The following SPATA13 variants were observed in gnomAD, a reference collection of about 807,000 sequenced individuals.
SPATA13 encodes spermatogenesis associated 13.
Under a neutral mutation model 104.0 loss-of-function variants are expected in SPATA13, and 50 were observed. The ratio of observed to expected loss-of-function variants is 0.48; its 90% CI spans 0.38 to 0.61. The LOEUF (loss-of-function observed/expected upper bound fraction) is 0.61, where lower values mean the gene tolerates loss of function less well. Ranked by LOEUF, SPATA13 falls within the 20% of genes least tolerant of loss-of-function variation. The pLI is 0.00. For missense variants in SPATA13, 1,524 were observed against 1,690.6 expected (o/e 0.90, Z 1.73); for synonymous variants, 606 against 667.5 (o/e 0.91, Z 1.42).
rs951485952 is a variant in SPATA13, at chr13:24,019,074, T to G, written c.-112+1373T>G. The stretch of plus-strand genomic sequence containing the variant: ...AGAAGGGGCTCCTAAGTTATATGAT[T>G]CTTATTATTATTATTATTATTTTTT... On this transcript the variant is annotated intron_variant, in intron 3 of 14. Coordinates refer to the SPATA13 transcript ENST00000424834. 4.5e-5 allele frequency among the ~76,000 whole-genome samples: 6 copies of G among 133,848 alleles called. No homozygotes were observed. The East Asian group carries it at 1.2e-3, about 27-fold the overall frequency. The allele number at this position is 133,848 out of a possible 152,430, so 87.8% of individuals were successfully genotyped here.
chr13:23,989,042 C>A (rs1875285120), intron 2 of SPATA13, among the ~76,000 whole-genome samples: 3 of 152,106 alleles, frequency 2.0e-5, no homozygotes, highest in Admixed American at 2.0e-4. Flanking sequence ...TGCAGTAGTC[C>A]ATTTACTGAA....
intron 1 of SPATA13, among the ~76,000 whole-genome samples, chr13:24,192,200 T>C (rs1484271204): frequency 2.0e-5 from 3 of 152,142 alleles, no homozygotes. Flanking sequence ...TAAACTCTTG[T>C]TGGGCAGGCA....
At chr13:24,144,321 G>T (rs1232762719) in intron 3 of SPATA13, among the ~76,000 whole-genome samples, 1 of 152,062 alleles carries the variant, frequency 6.6e-6, no homozygotes, top group East Asian at 1.9e-4. Context: ...ATCTTCCCCT[G>T]CCCCACCTTC....
At chr13:24,070,458 G>T (rs7995044) in intron 3 of SPATA13, among the ~76,000 whole-genome samples, 67,357 of 151,854 alleles carry the variant, frequency 0.44, 15,156 homozygotes, top group Middle Eastern at 0.52. Flanking sequence ...CGTCTCTGGT[G>T]TGTTTTGGTC....
chr13:23,993,405 C>T (rs573762260), intron 2 of SPATA13, among the ~76,000 whole-genome samples: 6 of 152,230 alleles, frequency 3.9e-5, no homozygotes, highest in Non-Finnish European at 8.8e-5. Flanking sequence ...TTCTTCCTAG[C>T]AGTGTACTAC....
chr13:24,002,331 G>A (rs1566068097), intron 2 of SPATA13, among the ~76,000 whole-genome samples: 1 of 152,180 alleles, frequency 6.6e-6, no homozygotes, highest in Admixed American at 6.5e-5. Flanking sequence ...CAGGCAGGAG[G>A]TAGATGAAAA....
chr13:24,232,842 C>T (rs1872358004), intron 2 of SPATA13, among the ~76,000 whole-genome samples: 1 of 152,208 alleles, frequency 6.6e-6, no homozygotes, highest in Admixed American at 6.5e-5. Flanking sequence ...AGCCACCACT[C>T]TCAGCCCAGT....
At chr13:24,297,319 G>A (rs536471834) in intron 10 of SPATA13, 44 bp from the exon 11 acceptor site, 2 of 1,561,724 alleles carry the variant, frequency 1.3e-6, no homozygotes, top group African/African-American at 1.3e-5. Flanking sequence ...GACTACAGCT[G>A]TGGTAGAATT....
In SPATA13 at chr13:24,224,258, C is replaced by T; in HGVS notation, c.1329C>T (p.Asp443=). 1.9e-6 allele frequency: 3 copies of T among 1,551,732 alleles called. No homozygotes were observed. Among genetic ancestry groups the T allele is most frequent in the Non-Finnish European group, 2.6e-6 (3 of 1,146,992 alleles). ...TTGTCCAGGATGTGTTGAGCAAAGA[C>T]TCCTGTGACCCAAACGCTGGCAGCC... ...SPIVQDVLSK[D]SCDPNAGSQL... Residue 443 remains aspartate (D), a synonymous_variant, in exon 2 of 13, where the codon GAC becomes GAT. Coordinates refer to ENST00000382108, the MANE Select transcript of SPATA13 (RefSeq NM_001166271.3).
At chr13:24,233,769 A>G (rs552203845) in intron 2 of SPATA13, among the ~76,000 whole-genome samples, 96 of 152,258 alleles carry the variant, frequency 6.3e-4, no homozygotes, top group Middle Eastern at 6.8e-3. Flanking sequence ...TAAACCGGCA[A>G]ATTATGTACT....
At chr13:24,052,836 T>TCCCCCCCCCCCCCCCCCCCCCCCC (rs1878392957) in intron 3 of SPATA13, among the ~76,000 whole-genome samples, 2 of 13,616 alleles carry the variant, frequency 1.5e-4, no homozygotes, top group Non-Finnish European at 2.3e-4. Flanking sequence ...CAGGGGATCC[T>TCCCCCCCCCCCCCCCCCCCCCCCC]CCCCGCCACT....
At chr13:24,185,518 C>T (rs1869088787) in intron 1 of SPATA13, among the ~76,000 whole-genome samples, 1 of 152,094 alleles carries the variant, frequency 6.6e-6, no homozygotes, top group African/African-American at 2.4e-5. Context: ...AATAACTACT[C>T]GTTTAATTTT....
intron 2 of SPATA13, among the ~76,000 whole-genome samples, chr13:24,008,444 C>T (rs1044002881): frequency 6.6e-6 from 1 of 152,176 alleles, no homozygotes; most frequent in East Asian, 1.9e-4. Flanking sequence ...TTAGTGCCTT[C>T]GTCATGGGCC....
chr13:24,283,340 C>T (rs1875689072), intron 4 of SPATA13, among the ~76,000 whole-genome samples: 1 of 152,152 alleles, frequency 6.6e-6, no homozygotes, highest in African/African-American at 2.4e-5. Flanking sequence ...ACAGTCATTC[C>T]GTTGGAAAAA....
At chr13:24,120,417 G>A (rs1458547197) in intron 3 of SPATA13, among the ~76,000 whole-genome samples, 1 of 152,192 alleles carries the variant, frequency 6.6e-6, no homozygotes, top group East Asian at 1.9e-4. Context: ...TTACTTGCCT[G>A]TGTCCCTATC....
At chr13:24,044,659 T>C (rs907479240) in intron 3 of SPATA13, among the ~76,000 whole-genome samples, 7 of 152,236 alleles carry the variant, frequency 4.6e-5, no homozygotes, top group African/African-American at 1.7e-4. Context: ...ATACTTGCCA[T>C]TTCTTTGTGA....
chr13:24,138,301 G>T (rs1376682199), intron 3 of SPATA13, among the ~76,000 whole-genome samples: 2 of 80,862 alleles, frequency 2.5e-5, no homozygotes, highest in South Asian at 5.3e-4. Flanking sequence ...GCAAGACTCC[G>T]TCTGAAAAAA....
intron 2 of SPATA13, among the ~76,000 whole-genome samples, chr13:24,226,067 G>A (rs1027647455): frequency 2.6e-5 from 4 of 152,220 alleles, no homozygotes. Flanking sequence ...CGGAGTCTGG[G>A]GGTTTTTATA....
At chr13:24,300,156 G>C (rs774466452) in intron 11 of SPATA13, among the ~76,000 whole-genome samples, 1 of 152,150 alleles carries the variant, frequency 6.6e-6, no homozygotes, top group Non-Finnish European at 1.5e-5. Context: ...GCATTCTCAT[G>C]AGCACCACCC....
Sources: allele counts gnomAD v4.1 joint callset (sites outside exome capture counted in the v4.1 genomes callset), GRCh38; gene constraint gnomAD v4.1.1; transcripts MANE v1.5; gene names NCBI Gene and HGNC (gene_info 2026-07-23, HGNC 2026-07-21).